Variants in KCNG3 observed in about 807,000 individuals in gnomAD.
KCNG3 encodes voltage-gated potassium channel regulatory subunit KCNG3.
A neutral mutation model predicts 29.0 loss-of-function variants in KCNG3; 15 were observed. The ratio of observed to expected loss-of-function variants is 0.52; its 90% CI spans 0.35 to 0.80. KCNG3 has a LOEUF of 0.80. KCNG3 is among the 30% of genes least tolerant of loss of function. The pLI is 0.01. For synonymous variants in KCNG3, 322 were observed against 248.9 expected, an observed-to-expected ratio of 1.29 and a Z score of -2.76; for missense variants, 512 against 605.7, an observed-to-expected ratio of 0.85 and a Z score of 1.62.
chr2:42,435,227 A>C, the KCNG3 span, among the ~76,000 whole-genome samples: 2 of 151,974 alleles, frequency 1.3e-5, no homozygotes, highest in South Asian at 2.1e-4. Flanking sequence ...CGCTTGAACC[A>C]GGGAGGCGGA....
the KCNG3 span, among the ~76,000 whole-genome samples, chr2:42,405,199 G>A: frequency 5.9e-5 from 9 of 152,152 alleles, no homozygotes; most frequent in East Asian, 3.8e-4. Context: ...CTGGAATCAC[G>A]TTTTATAGCT....
chr2:42,471,748 G>C (rs969032829), intron 1 of KCNG3, among the ~76,000 whole-genome samples: 1 of 152,020 alleles, frequency 6.6e-6, no homozygotes, highest in Non-Finnish European at 1.5e-5. Flanking sequence ...GCTGGGTACA[G>C]TGGCTCATGC....
intron 1 of KCNG3, among the ~76,000 whole-genome samples, chr2:42,460,927 C>T (rs756342096): frequency 6.6e-6 from 1 of 151,924 alleles, no homozygotes; most frequent in African/African-American, 2.4e-5. Context: ...TTTGGGAGGC[C>T]GAGGTGGGCA....
chr2:42,417,863 T>C, the KCNG3 span, among the ~76,000 whole-genome samples: 1 of 151,792 alleles, frequency 6.6e-6, no homozygotes. Context: ...TCCCAGCTAC[T>C]TGGGAGGCTG....
chr2:42,419,960 T>C, the KCNG3 span, among the ~76,000 whole-genome samples: 2 of 152,138 alleles, frequency 1.3e-5, no homozygotes, highest in South Asian at 2.1e-4. Context: ...CGGTGGCTCA[T>C]GCCTGTAATC....
downstream of KCNG3, chr2:42,441,938 A>G (rs1672495914): frequency 6.6e-6 from 1 of 151,866 alleles, no homozygotes; most frequent in Non-Finnish European, 1.5e-5. Flanking sequence ...ATGAGAGAGG[A>G]TCCCAGCTCT....
the KCNG3 span, among the ~76,000 whole-genome samples, chr2:42,390,207 G>A: frequency 6.6e-6 from 1 of 152,246 alleles, no homozygotes; most frequent in East Asian, 1.9e-4. Context: ...GCAAGCTGAT[G>A]CTATCTTATT....
chr2:42,438,780 A>G (rs1222209143), downstream of KCNG3, among the ~76,000 whole-genome samples: 1 of 152,222 alleles, frequency 6.6e-6, no homozygotes, highest in Non-Finnish European at 1.5e-5. Context: ...CTTCTGGATG[A>G]CATTTCACAA....
rs1384540157 is a variant in KCNG3 at position 42,444,728 on chromosome 2, G to A, written c.666-149C>T. 1 of 688,184 alleles carries A rather than the reference G, an allele frequency of 1.5e-6. No homozygotes were observed. The highest frequency in any genetic ancestry group is 2.4e-6 in the Non-Finnish European group (1 of 418,872). 42.6% of individuals were successfully genotyped at this position (688,184 alleles called of 1,614,324 possible). On this transcript the variant is annotated intron_variant, in intron 1 of 1. Transcript: ENST00000306078. The surrounding 1 kb of genome is among the most constrained non-coding windows in gnomAD (Gnocchi z 5.8). ...ACAGACAACATTAGCAACATCATCA[G>A]ACCACCAGGATGCACGCAACAGAAC...
intron 1 of KCNG3, among the ~76,000 whole-genome samples, chr2:42,487,266 CT>C (rs1286076330): frequency 1.3e-5 from 2 of 150,306 alleles, no homozygotes; most frequent in Non-Finnish European, 3.0e-5. Context: ...TTGTAGTTGT[CT>C]TTTAATGGGG....
At chr2:42,488,958 G>A (rs193238569) in intron 1 of KCNG3, among the ~76,000 whole-genome samples, 112 of 152,054 alleles carry the variant, frequency 7.4e-4, no homozygotes, top group African/African-American at 2.4e-3. Flanking sequence ...CAATTTTTGC[G>A]GTAGTGGAGA....
chr2:42,450,408 G>C (rs1672719417), intron 1 of KCNG3, among the ~76,000 whole-genome samples: 1 of 152,186 alleles, frequency 6.6e-6, no homozygotes, highest in East Asian at 1.9e-4. Context: ...AATTCCTCAT[G>C]TTTCCAAATG....
At chr2:42,395,751 C>G in the KCNG3 span, among the ~76,000 whole-genome samples, 1 of 151,972 alleles carries the variant, frequency 6.6e-6, no homozygotes, top group Non-Finnish European at 1.5e-5. Flanking sequence ...GCCAGGAGTT[C>G]AAGACCAGCC....
chr2:42,464,167 C>A (rs1157098589), intron 1 of KCNG3, among the ~76,000 whole-genome samples: 1 of 152,184 alleles, frequency 6.6e-6, no homozygotes, highest in Non-Finnish European at 1.5e-5. Flanking sequence ...GTGCTCAACT[C>A]AGATTATTCT....
Position 42,443,991 on chromosome 2 carries a change from C to T in KCNG3, c.1254G>A (p.Glu418=). The change falls in exon 2 of 2, where the codon GAG becomes GAA. Residue 418 remains glutamate (E), a synonymous_variant. Coordinates refer to ENST00000306078, the MANE Select transcript of KCNG3 (RefSeq NM_133329.6). ...IYHSFVQCYH[E]LKFRSARYSR... ...TATACCTAGCAGATCTAAACTTGAG[C>T]TCATGATAACACTGCACAAAGCTAT... The T allele has an allele frequency of 6.2e-7, 1 of 1,614,118 alleles. No individual in the cohort carries two copies. Among genetic ancestry groups the T allele is most frequent in the South Asian group, 1.1e-5 (1 of 91,052 alleles).
chr2:42,443,020 C>A lies in KCNG3; in HGVS notation c.*914G>T, dbSNP rs1167062010. On this transcript the variant is annotated 3_prime_UTR_variant, in exon 2 of 2. Transcript: ENST00000306078. ...AAAGGCTATATAAATATCCTTTCAT[C>A]TGATAAGTCTTATTAAACCTCTAGT... 6.6e-6 allele frequency: 1 copy of A among 152,160 alleles called. No individual in the cohort carries two copies. The highest frequency in any genetic ancestry group is 2.4e-5 in the African/African-American group (1 of 41,420). 9.4% of individuals were successfully genotyped at this position (152,160 alleles called of 1,614,324 possible).
At chr2:42,424,541 A>C in the KCNG3 span, among the ~76,000 whole-genome samples, 1 of 152,290 alleles carries the variant, frequency 6.6e-6, no homozygotes, top group South Asian at 2.1e-4. Flanking sequence ...AAATAATCCA[A>C]ACACATAATG....
the KCNG3 span, among the ~76,000 whole-genome samples, chr2:42,389,042 C>G: frequency 6.6e-6 from 1 of 152,014 alleles, no homozygotes; most frequent in African/African-American, 2.4e-5. Flanking sequence ...CTCAGCCTCC[C>G]GAGTAGCTGG....
At chr2:42,398,172 G>C in the KCNG3 span, among the ~76,000 whole-genome samples, 1 of 151,692 alleles carries the variant, frequency 6.6e-6, no homozygotes, top group Non-Finnish European at 1.5e-5. Flanking sequence ...GCAGTGAGCC[G>C]AGACCGCGCC....
Sources: allele counts gnomAD v4.1 joint callset (sites outside exome capture counted in the v4.1 genomes callset), GRCh38; gene constraint gnomAD v4.1.1; non-coding constraint Gnocchi (gnomAD v3.1); transcripts MANE v1.5; gene names NCBI Gene and HGNC (gene_info 2026-07-23, HGNC 2026-07-21).